GRM5: variants seen among roughly 807,000 people sequenced by gnomAD.
GRM5 encodes glutamate metabotropic receptor 5.
A neutral mutation model predicts 83.1 loss-of-function variants in GRM5; 19 were observed. The ratio of observed to expected loss-of-function variants is 0.23; its 90% confidence interval spans 0.16 to 0.34. GRM5 has a LOEUF of 0.34. GRM5 is among the 10% of genes least tolerant of loss of function. The probability of loss-of-function intolerance (pLI) is 1.00; values close to 1 mark genes in which losing one functional copy is unlikely to be tolerated. For missense variants in GRM5, 1,160 were observed against 1,588.3 expected, an observed-to-expected ratio of 0.73 and a Z score of 4.58; for synonymous variants, 675 against 633.6, an observed-to-expected ratio of 1.07 and a Z score of -0.98.
chr11:88,629,193 G>T (rs1206745663), intron 4 of GRM5, among the ~76,000 whole-genome samples: 2 of 152,104 alleles, frequency 1.3e-5, no homozygotes, highest in Non-Finnish European at 2.9e-5. Context: ...ATTTGCCCTG[G>T]GTCTATTGGT....
At chr11:88,615,172 G>A (rs1938437310) in intron 4 of GRM5, among the ~76,000 whole-genome samples, 1 of 152,002 alleles carries the variant, frequency 6.6e-6, no homozygotes, top group South Asian at 2.1e-4. Flanking sequence ...TGGCCTATTT[G>A]AGCAGCATTA....
chr11:88,537,091 TTTTC>T (rs1942153402), intron 8 of GRM5, among the ~76,000 whole-genome samples: 1 of 152,282 alleles, frequency 6.6e-6, no homozygotes, highest in African/African-American at 2.4e-5. Context: ...ACAACTTACT[TTTTC>T]TTTATTTCAT....
chr11:88,604,414 T>G (rs1445687967), intron 5 of GRM5, among the ~76,000 whole-genome samples: 1 of 152,232 alleles, frequency 6.6e-6, no homozygotes, highest in Non-Finnish European at 1.5e-5. Flanking sequence ...GACAAGCATG[T>G]ACAGAGAAAC....
rs1466504471 is a variant in GRM5 at position 88,509,333 on chromosome 11, G to C, written c.2898C>G (p.Gly966=). 3 of 1,600,614 alleles carry C rather than the reference G, an allele frequency of 1.9e-6. No individual in the cohort carries two copies. The African/African-American group carries it at 4.1e-5, about 22-fold the overall frequency. The change falls in exon 10 of 10, where the codon GGC becomes GGG. Residue 966 remains glycine, a synonymous_variant. Transcript: ENST00000305447. ...CCACGCCCCCAGCGCTCCCGCCTGC[G>C]CCAGCGCCAGCGCCCAGGCCACGGC... The part of the protein sequence containing the change: ...TESRGLGAGA[G]AGGSAGGVGA...
At chr11:88,751,591 G>A (rs534810793) in intron 3 of GRM5, among the ~76,000 whole-genome samples, 3 of 152,022 alleles carry the variant, frequency 2.0e-5, no homozygotes, top group Non-Finnish European at 4.4e-5. Context: ...GTGACTCCCC[G>A]TTAAGTCATT....
intron 3 of GRM5, among the ~76,000 whole-genome samples, chr11:88,777,840 G>A (rs1037863685): frequency 2.6e-5 from 4 of 152,068 alleles, no homozygotes; most frequent in East Asian, 1.9e-4. Flanking sequence ...CGTTTCAGAG[G>A]AGCAGCCACC....
chr11:89,055,153 T>C (rs1410693500), intron 1 of GRM5, among the ~76,000 whole-genome samples: 2 of 152,200 alleles, frequency 1.3e-5, no homozygotes, highest in African/African-American at 4.8e-5. Context: ...TATGCAGTTG[T>C]TCCAATTGTC....
chr11:88,534,229 GT>G (rs1304574503), intron 8 of GRM5, among the ~76,000 whole-genome samples: 19 of 152,208 alleles, frequency 1.2e-4, no homozygotes, highest in African/African-American at 4.6e-4. Context: ...GAGGGCTGCT[GT>G]CCTCCAGACG....
At chr11:88,607,152 C>T (rs1298312131) in intron 4 of GRM5, among the ~76,000 whole-genome samples, 1 of 152,034 alleles carries the variant, frequency 6.6e-6, no homozygotes, top group East Asian at 1.9e-4. Flanking sequence ...ATCCTGCTTC[C>T]ATCTCAGGAC....
chr11:88,771,099 G>A (rs1180839383), intron 3 of GRM5, among the ~76,000 whole-genome samples: 2 of 152,056 alleles, frequency 1.3e-5, no homozygotes, highest in East Asian at 3.9e-4. Context: ...GACAGACAAG[G>A]AAATATTTTT....
At chr11:88,893,162 A>C (rs1021437533) in intron 2 of GRM5, among the ~76,000 whole-genome samples, 4 of 151,764 alleles carry the variant, frequency 2.6e-5, no homozygotes, top group Non-Finnish European at 5.9e-5. Flanking sequence ...AAAAGAAAAG[A>C]AAAAAGAAGT....
At chr11:88,554,107 G>C (rs1220746857) in intron 8 of GRM5, among the ~76,000 whole-genome samples, 2 of 152,138 alleles carry the variant, frequency 1.3e-5, no homozygotes, top group Admixed American at 1.3e-4. Flanking sequence ...GGCTTCCACT[G>C]AGTTAAAATC....
At chr11:88,564,258 A>T (rs1942823539) in intron 8 of GRM5, among the ~76,000 whole-genome samples, 1 of 152,212 alleles carries the variant, frequency 6.6e-6, no homozygotes, top group Non-Finnish European at 1.5e-5. Context: ...TTCAGATTCT[A>T]ACATCCAAAT....
At chr11:88,703,608 G>A (rs942803053) in intron 3 of GRM5, among the ~76,000 whole-genome samples, 1 of 152,060 alleles carries the variant, frequency 6.6e-6, no homozygotes, top group Non-Finnish European at 1.5e-5. Flanking sequence ...GAGGGACCCG[G>A]TGGGAGGTAA....
intron 2 of GRM5, among the ~76,000 whole-genome samples, chr11:88,879,804 T>A (rs1424309844): frequency 6.6e-6 from 1 of 152,060 alleles, no homozygotes; most frequent in Non-Finnish European, 1.5e-5. Context: ...ACTATGAGGC[T>A]CTCAGCAGAT....
chr11:88,576,885 C>T (rs1943122602), intron 7 of GRM5, among the ~76,000 whole-genome samples: 1 of 152,064 alleles, frequency 6.6e-6, no homozygotes, highest in Non-Finnish European at 1.5e-5. Flanking sequence ...TCTATTTATC[C>T]TTGCTAGCTT....
At chr11:88,709,565 G>A (rs780406841) in intron 3 of GRM5, among the ~76,000 whole-genome samples, 3 of 152,072 alleles carry the variant, frequency 2.0e-5, no homozygotes, top group Non-Finnish European at 4.4e-5. Context: ...ACTAATCAAG[G>A]AAATGCTCTG....
intron 2 of GRM5, among the ~76,000 whole-genome samples, chr11:88,892,231 A>G (rs1945157740): frequency 6.6e-6 from 1 of 150,516 alleles, no homozygotes; most frequent in Admixed American, 6.7e-5. Context: ...CAGGAAGTGT[A>G]TGCTTCCCCC....
chr11:88,638,436 GTTTGT>G (rs1393330005), intron 4 of GRM5, among the ~76,000 whole-genome samples: 2 of 150,954 alleles, frequency 1.3e-5, no homozygotes, highest in Non-Finnish European at 3.0e-5. Flanking sequence ...TTGTTTGTTT[GTTTGT>G]TTTGTTTTCC....
Sources: allele counts gnomAD v4.1 joint callset (sites outside exome capture counted in the v4.1 genomes callset), GRCh38; gene constraint gnomAD v4.1.1; transcripts MANE v1.5; gene names NCBI Gene and HGNC (gene_info 2026-07-23, HGNC 2026-07-21).